Variants in ADAMTS16 observed in about 807,000 individuals in gnomAD.
The protein encoded by ADAMTS16 is ADAM metallopeptidase with thrombospondin type 1 motif 16, also known as A disintegrin and metalloproteinase with thrombospondin motifs 16.
Under a neutral mutation model 145.8 loss-of-function variants are expected in ADAMTS16, and 94 were observed. The observed-to-expected ratio is 0.64, with a 90% CI of 0.55 to 0.77. The LOEUF is 0.77. Ranked by LOEUF, ADAMTS16 falls within the 30% of genes least tolerant of loss-of-function variation. ADAMTS16 has a pLI of 0.00. For synonymous variants in ADAMTS16, 659 were observed against 604.3 expected, an observed-to-expected ratio of 1.09 and a Z score of -1.33; for missense variants, 1,585 against 1,591.5, an observed-to-expected ratio of 1.00 and a Z score of 0.07.
At chr5:5,196,332 G>A (rs1025122404) in intron 8 of ADAMTS16, among the ~76,000 whole-genome samples, 3 of 151,578 alleles carry the variant, frequency 2.0e-5, no homozygotes, top group Non-Finnish European at 2.9e-5. Context: ...AGTCACTGGA[G>A]ATGCCCCTTT....
chr5:5,183,271 C>G (rs945764110), intron 4 of ADAMTS16, among the ~76,000 whole-genome samples: 5 of 152,118 alleles, frequency 3.3e-5, no homozygotes. Context: ...TGAGAACAAA[C>G]GGAGGTGAGC....
At position 5,306,712 on chromosome 5, in the gene ADAMTS16, C is replaced by T; in HGVS notation, c.3395C>T (p.Ala1132Val). ...AAGPSRGSWF[A>V]SPWSQCTASC... ...GGACCCTCGAGGGGCAGCTGGTTTG[C>T]CTCACCCTGGTCTCAGGTAGGGGAG... The change falls in exon 21 of 23, where the codon GCC becomes GTC. Residue 1132 changes from alanine to valine, a missense_variant. Around this residue, in one of 3 missense-constraint regions of ADAMTS16, gnomAD observed 834 missense variants for 811.7 expected, o/e 1.03. Transcript: ENST00000274181. 6.2e-7 allele frequency: 1 copy of T among 1,610,740 alleles called. No homozygotes were observed. Among genetic ancestry groups the T allele is most frequent in the African/African-American group, 1.3e-5 (1 of 74,962 alleles).
chr5:5,158,323 G>T (rs1734653816), intron 3 of ADAMTS16, among the ~76,000 whole-genome samples: 1 of 152,156 alleles, frequency 6.6e-6, no homozygotes, highest in Non-Finnish European at 1.5e-5. Context: ...TGGATGGATG[G>T]GTGGGAAGAT....
In ADAMTS16 at chr5:5,239,784, G is replaced by A. The variant is rs768132825; in HGVS notation, c.2382G>A (p.Arg794=). The A allele has an allele frequency of 3.1e-6, 5 of 1,614,114 alleles. No individual in the cohort carries two copies. The East Asian group carries it at 1.1e-4, about 36-fold the overall frequency. Residue 794 remains arginine, a synonymous_variant, in exon 16 of 23, where the codon AGG becomes AGA. Transcript: ENST00000274181. ...SYISVRNALR[R]YYLNGHWTVD... is the part of the protein sequence containing the mutation. ...TTTCTGTGCGCAATGCCCTCAGAAG[G>A]TACTACCTGAATGGGCACTGGACCG...
chr5:5,297,696 A>G (rs924183354), intron 18 of ADAMTS16, among the ~76,000 whole-genome samples: 2 of 152,210 alleles, frequency 1.3e-5, no homozygotes, highest in African/African-American at 2.4e-5. Flanking sequence ...GCCTCGGAGT[A>G]GTATCTCCTC....
intron 10 of ADAMTS16, among the ~76,000 whole-genome samples, chr5:5,211,330 C>T (rs1736267731): frequency 6.6e-6 from 1 of 152,098 alleles, no homozygotes; most frequent in African/African-American, 2.4e-5. Context: ...TTAAAAGTGA[C>T]ACTAAAGGAG....
chr5:5,232,315 C>G, intron 11 of ADAMTS16, 53 bp from the exon 12 acceptor site: 1 of 1,601,502 alleles, frequency 6.2e-7, no homozygotes. Flanking sequence ...TGAGATGAAC[C>G]CATCTATCCA....
intron 10 of ADAMTS16, among the ~76,000 whole-genome samples, chr5:5,215,001 C>G (rs1736378946): frequency 6.6e-6 from 1 of 152,046 alleles, no homozygotes; most frequent in Admixed American, 6.6e-5. Flanking sequence ...CCCAGACCAG[C>G]CCTGGGCACA....
At chr5:5,175,990 C>T (rs1735183585) in intron 3 of ADAMTS16, 1 of 152,252 alleles carries the variant, frequency 6.6e-6, no homozygotes, top group East Asian at 1.9e-4. Context: ...ACTGTGGTTG[C>T]TTACCTGAAT....
chr5:5,185,378 T>G (rs1287493775), intron 4 of ADAMTS16, among the ~76,000 whole-genome samples: 1 of 152,228 alleles, frequency 6.6e-6, no homozygotes, highest in Non-Finnish European at 1.5e-5. Flanking sequence ...TAAACCTAAT[T>G]GTTTTCAATG....
chr5:5,177,306 G>T (rs1296360918), intron 3 of ADAMTS16, among the ~76,000 whole-genome samples: 1 of 152,126 alleles, frequency 6.6e-6, no homozygotes, highest in Non-Finnish European at 1.5e-5. Flanking sequence ...AAGTGACCAG[G>T]GGACAAGTTT....
intron 9 of ADAMTS16, among the ~76,000 whole-genome samples, chr5:5,207,892 A>G (rs1267819963): frequency 1.3e-5 from 2 of 152,198 alleles, no homozygotes; most frequent in East Asian, 1.9e-4. Context: ...GTCATAGTAT[A>G]TAGTTCTTCT....
chr5:5,141,608 T>C (rs1313427028), intron 2 of ADAMTS16, among the ~76,000 whole-genome samples: 1 of 152,246 alleles, frequency 6.6e-6, no homozygotes, highest in East Asian at 1.9e-4. Flanking sequence ...CAAATGTTAA[T>C]ATTAATTGAC....
chr5:5,222,440 G>A (rs959307478), intron 10 of ADAMTS16, among the ~76,000 whole-genome samples: 2 of 151,960 alleles, frequency 1.3e-5, no homozygotes, highest in Admixed American at 1.3e-4. Flanking sequence ...GGGTTGAGAA[G>A]GATACATTAT....
At chr5:5,250,610 T>C (rs1737591779) in intron 17 of ADAMTS16, among the ~76,000 whole-genome samples, 1 of 152,010 alleles carries the variant, frequency 6.6e-6, no homozygotes, top group Non-Finnish European at 1.5e-5. Context: ...GTGTGATGGA[T>C]GGTGTGGTGG....
At position 5,204,319 on chromosome 5, in the gene ADAMTS16, T is replaced by C. The variant is rs529761898; in HGVS notation, c.1451+4050T>C. On this transcript the variant is annotated intron_variant, in intron 9 of 22. Coordinates refer to ENST00000274181, the MANE Select transcript of ADAMTS16 (RefSeq NM_139056.4). ...CCTTCCTTAATGTGTTCATTAACAT[T>C]ATTTTTGTTTTGGTACGAAATATAT... 5.3e-5 allele frequency among the ~76,000 whole-genome samples: 8 copies of C among 152,344 alleles called. No homozygotes were observed. The South Asian group carries it at 1.5e-3, about 28-fold the overall frequency.
intron 2 of ADAMTS16, among the ~76,000 whole-genome samples, chr5:5,144,463 T>G (rs569323738): frequency 4.0e-4 from 61 of 152,386 alleles, no homozygotes; most frequent in African/African-American, 1.4e-3. Flanking sequence ...TTTCTATAGC[T>G]TTATGGTAAT....
intron 8 of ADAMTS16, among the ~76,000 whole-genome samples, chr5:5,195,625 T>C (rs558559582): frequency 2.0e-5 from 3 of 152,216 alleles, no homozygotes; most frequent in Non-Finnish European, 2.9e-5. Flanking sequence ...TAGGCTTAAA[T>C]AGCCAAGTTG....
chr5:5,206,148 C>T (rs1192178866), intron 9 of ADAMTS16, among the ~76,000 whole-genome samples: 2 of 151,794 alleles, frequency 1.3e-5, no homozygotes, highest in African/African-American at 2.4e-5. Context: ...TGCCTTTGGC[C>T]GGGCGCGGTG....
Sources: allele counts gnomAD v4.1 joint callset (sites outside exome capture counted in the v4.1 genomes callset), GRCh38; gene constraint gnomAD v4.1.1; regional missense constraint gnomAD v4.1.1; transcripts MANE v1.5; gene names NCBI Gene and HGNC (gene_info 2026-07-23, HGNC 2026-07-21).